LRBA: variants seen among roughly 807,000 people sequenced by gnomAD.
LRBA encodes lipopolysaccharide-responsive and beige-like anchor protein.
A neutral mutation model predicts 330.0 loss-of-function variants in LRBA; 176 were observed. That is an observed-to-expected ratio of 0.53 (90% CI 0.47 to 0.60). The LOEUF (loss-of-function observed/expected upper bound fraction) is 0.60. LRBA is among the 20% of genes least tolerant of loss of function. LRBA has a pLI of 0.00. For synonymous variants in LRBA, 1,230 were observed against 1,193.0 expected (o/e 1.03, Z -0.64); for missense variants, 3,259 against 3,444.8 (o/e 0.95, Z 1.35).
chr4:150,347,162 G>C (rs1736485682), intron 48 of LRBA, among the ~76,000 whole-genome samples: 1 of 152,186 alleles, frequency 6.6e-6, no homozygotes, highest in Non-Finnish European at 1.5e-5. Context: ...GGTATTCAGG[G>C]TAGTCAAATT....
intron 37 of LRBA, among the ~76,000 whole-genome samples, chr4:150,656,576 C>T (rs558130287): frequency 2.0e-4 from 31 of 152,290 alleles, no homozygotes; most frequent in African/African-American, 7.2e-4. Flanking sequence ...ATGGCTGCCA[C>T]AGAACTACTC....
intron 30 of LRBA, among the ~76,000 whole-genome samples, chr4:150,822,407 T>C (rs1005182604): frequency 6.6e-6 from 1 of 152,342 alleles, no homozygotes; most frequent in Middle Eastern, 3.4e-3. Flanking sequence ...ATATTAAATT[T>C]AAAAGTATAG....
chr4:150,651,960 C>T (rs979566719), intron 37 of LRBA, among the ~76,000 whole-genome samples: 11 of 152,140 alleles, frequency 7.2e-5, no homozygotes, highest in African/African-American at 2.7e-4. Context: ...TCTCCCACTT[C>T]AGCCTCCGAA....
chr4:150,853,510 A>C (rs890585688), intron 22 of LRBA, among the ~76,000 whole-genome samples: 3 of 152,172 alleles, frequency 2.0e-5, no homozygotes, highest in Non-Finnish European at 4.4e-5. Flanking sequence ...GTTAACCATA[A>C]TTTCCAAAGT....
intron 40 of LRBA, among the ~76,000 whole-genome samples, chr4:150,502,734 T>G (rs1046749499): frequency 2.0e-5 from 3 of 152,128 alleles, no homozygotes; most frequent in Non-Finnish European, 4.4e-5. Flanking sequence ...GCACCGTGCG[T>G]GAGGCGAAGC....
intron 36 of LRBA, among the ~76,000 whole-genome samples, chr4:150,727,727 G>A (rs1449693018): frequency 6.6e-6 from 1 of 151,634 alleles, no homozygotes; most frequent in East Asian, 1.9e-4. Context: ...CTATTAAGAA[G>A]AGAATTTATA....
intron 36 of LRBA, among the ~76,000 whole-genome samples, chr4:150,684,579 A>G (rs568224556): frequency 1.4e-4 from 21 of 152,350 alleles, no homozygotes; most frequent in Non-Finnish European, 2.5e-4. Context: ...CAGATACACT[A>G]TAATTGCTAG....
At chr4:150,770,614 C>T (rs552904856) in intron 34 of LRBA, among the ~76,000 whole-genome samples, 31 of 151,082 alleles carry the variant, frequency 2.1e-4, no homozygotes, top group African/African-American at 7.3e-4. Flanking sequence ...CACACAAACA[C>T]ATATACACAC....
At chr4:150,514,244 G>C (rs1762113681) in intron 40 of LRBA, among the ~76,000 whole-genome samples, 1 of 152,062 alleles carries the variant, frequency 6.6e-6, no homozygotes, top group Non-Finnish European at 1.5e-5. Flanking sequence ...AGCTAATTTT[G>C]TATTTTTAGT....
At chr4:150,964,160 TG>T (rs1334035581) in intron 2 of LRBA, among the ~76,000 whole-genome samples, 1 of 147,432 alleles carries the variant, frequency 6.8e-6, no homozygotes, top group Non-Finnish European at 1.5e-5. Context: ...CTGCCCCGTC[TG>T]GGAGGTGGGG....
chr4:151,009,201 T>C (rs1282468040), intron 2 of LRBA, among the ~76,000 whole-genome samples: 2 of 150,910 alleles, frequency 1.3e-5, no homozygotes, highest in African/African-American at 2.4e-5. Context: ...CAACTGTTTA[T>C]ATAGAATTTA....
intron 34 of LRBA, among the ~76,000 whole-genome samples, chr4:150,767,243 TATAA>T (rs954574982): frequency 2.0e-4 from 30 of 152,316 alleles, no homozygotes; most frequent in Admixed American, 3.3e-4. Flanking sequence ...GACAGTTTTC[TATAA>T]ATAATCTCCT....
At chr4:150,398,794 G>C (rs1226479734) in intron 47 of LRBA, among the ~76,000 whole-genome samples, 1 of 151,842 alleles carries the variant, frequency 6.6e-6, no homozygotes, top group African/African-American at 2.4e-5. Flanking sequence ...ACCTAGATAA[G>C]TTTTTTTGTT....
intron 36 of LRBA, among the ~76,000 whole-genome samples, chr4:150,715,278 CA>C (rs1288927004): frequency 6.6e-6 from 1 of 152,156 alleles, no homozygotes; most frequent in African/African-American, 2.4e-5. Context: ...AAGATACTGT[CA>C]AGGTTGCATT....
Position 150,681,031 on chromosome 4 carries a change from T to C in LRBA, c.5921+2520A>G, listed in dbSNP as rs80056593. Among the ~76,000 whole-genome samples the C allele has an allele frequency of 8.7e-3, 1,319 of 152,316 alleles. 22 individuals are homozygous for C. Among genetic ancestry groups the C allele is most frequent in the African/African-American group, 0.028 (1,163 of 41,566 alleles). ...AATGAAATTTCTAAATATTCTAATA[T>C]GATTGAGTTAAAAGACAAAATGCTA... On this transcript the variant is annotated intron_variant, in intron 37 of 56. Transcript: ENST00000651943.
chr4:151,011,324 C>A (rs541355799), intron 2 of LRBA, among the ~76,000 whole-genome samples: 1 of 152,150 alleles, frequency 6.6e-6, no homozygotes, highest in Non-Finnish European at 1.5e-5. Context: ...TTAGGCCAGG[C>A]GTGGTGGCTT....
At chr4:150,500,515 T>C (rs370367034) in intron 40 of LRBA, among the ~76,000 whole-genome samples, 9 of 152,130 alleles carry the variant, frequency 5.9e-5, no homozygotes, top group African/African-American at 2.2e-4. Context: ...GAGGCGGAGG[T>C]TGCAGTGAGC....
At chr4:150,756,264 A>G (rs959068669) in intron 35 of LRBA, among the ~76,000 whole-genome samples, 1 of 152,192 alleles carries the variant, frequency 6.6e-6, no homozygotes, top group African/African-American at 2.4e-5. Flanking sequence ...TACCTAGAAC[A>G]ACATCAGGAG....
chr4:150,603,647 A>C (rs993243555), intron 37 of LRBA, among the ~76,000 whole-genome samples: 1 of 152,052 alleles, frequency 6.6e-6, no homozygotes, highest in African/African-American at 2.4e-5. Context: ...CCCCAGTACA[A>C]AAATTAGTAA....
Sources: allele counts gnomAD v4.1 joint callset (sites outside exome capture counted in the v4.1 genomes callset), GRCh38; gene constraint gnomAD v4.1.1; transcripts MANE v1.5; gene names NCBI Gene and HGNC (gene_info 2026-07-23, HGNC 2026-07-21).